MYT1L: variants seen among roughly 807,000 people sequenced by gnomAD.
MYT1L encodes the protein myelin transcription factor 1 like, also known as myelin transcription factor 1-like protein.
MYT1L carries 12 observed loss-of-function variants against 126.7 expected under a neutral mutation model. The observed-to-expected ratio is 0.09, with a 90% CI of 0.06 to 0.15. MYT1L has a LOEUF of 0.15. Ranked by LOEUF, MYT1L falls within the 10% of genes least tolerant of loss-of-function variation. MYT1L has a pLI of 1.00. For synonymous variants in MYT1L, 541 were observed against 604.2 expected, an observed-to-expected ratio of 0.90 and a Z score of 1.53; for missense variants, 979 against 1,585.2, an observed-to-expected ratio of 0.62 and a Z score of 6.49.
At chr2:1,960,373 T>A (rs2058863321) in intron 8 of MYT1L, among the ~76,000 whole-genome samples, 1 of 152,236 alleles carries the variant, frequency 6.6e-6, no homozygotes, top group Non-Finnish European at 1.5e-5. Flanking sequence ...AAGCCCCTTG[T>A]CCCAGGCCCT....
chr2:2,123,056 G>A (rs1350063247), intron 3 of MYT1L, among the ~76,000 whole-genome samples: 1 of 152,072 alleles, frequency 6.6e-6, no homozygotes. Context: ...ACGCTGGCTC[G>A]CCTGACCTTG....
intron 23 of MYT1L, among the ~76,000 whole-genome samples, chr2:1,800,992 T>C (rs1485751510): frequency 6.6e-6 from 1 of 152,106 alleles, no homozygotes; most frequent in Non-Finnish European, 1.5e-5. Flanking sequence ...TCCCAGAGTG[T>C]ACTTCGGCGG....
chr2:1,994,723 C>T (rs547056054), intron 5 of MYT1L, among the ~76,000 whole-genome samples: 3 of 152,276 alleles, frequency 2.0e-5, no homozygotes, highest in East Asian at 3.9e-4. Context: ...TCTATCTTTA[C>T]TTCTCCCTAA....
chr2:2,127,607 A>G (rs765823290), intron 3 of MYT1L, among the ~76,000 whole-genome samples: 8 of 152,132 alleles, frequency 5.3e-5, no homozygotes, highest in Non-Finnish European at 1.2e-4. Context: ...TTGCACTAGC[A>G]TCCCTTCGTT....
At chr2:1,855,815 C>T (rs2043844587) in intron 18 of MYT1L, among the ~76,000 whole-genome samples, 1 of 137,610 alleles carries the variant, frequency 7.3e-6, no homozygotes, top group African/African-American at 3.0e-5. Context: ...GATCTTGCTT[C>T]ATCTCTGGTC....
intron 2 of MYT1L, among the ~76,000 whole-genome samples, chr2:2,210,084 GTCT>G (rs1335624355): frequency 5.9e-5 from 9 of 152,250 alleles, no homozygotes; most frequent in Admixed American, 2.6e-4. Context: ...CCATTTGTGT[GTCT>G]TCTTCTTTTG....
At chr2:2,328,196 A>T (rs1016035745) in intron 1 of MYT1L, among the ~76,000 whole-genome samples, 1 of 152,234 alleles carries the variant, frequency 6.6e-6, no homozygotes, top group African/African-American at 2.4e-5. Context: ...AAATTGCATA[A>T]TCACTTATTT....
rs552214757 is a variant in MYT1L, at chr2:2,147,348, G to A, written c.-304+25524C>T. 9.8e-5 allele frequency among the ~76,000 whole-genome samples: 15 copies of A among 152,324 alleles called. No homozygotes were observed. The East Asian group carries it at 2.5e-3, about 26-fold the overall frequency. On this transcript the variant is annotated intron_variant, in intron 3 of 24. Coordinates refer to ENST00000647738, the MANE Select transcript of MYT1L (RefSeq NM_001303052.2). Reference sequence around the variant, plus strand: ...CCACTCTGCATGGCTGAGAGGGTGCGAGCACACAGCAGGCACACTGCCTGT... The same window carrying A: ...CCACTCTGCATGGCTGAGAGGGTGCAAGCACACAGCAGGCACACTGCCTGT...
At chr2:2,255,469 A>G (rs949039923) in intron 2 of MYT1L, among the ~76,000 whole-genome samples, 3 of 152,214 alleles carry the variant, frequency 2.0e-5, no homozygotes, top group African/African-American at 7.2e-5. Flanking sequence ...AAACCCACCT[A>G]GAAGGGAGGG....
At chr2:2,154,811 T>C (rs1397374012) in intron 3 of MYT1L, among the ~76,000 whole-genome samples, 1 of 152,186 alleles carries the variant, frequency 6.6e-6, no homozygotes, top group Admixed American at 6.5e-5. Context: ...CCTGCACATG[T>C]ACCCCTGAAA....
At chr2:2,152,632 C>T (rs58094996) in intron 3 of MYT1L, among the ~76,000 whole-genome samples, 2 of 152,224 alleles carry the variant, frequency 1.3e-5, no homozygotes, top group African/African-American at 2.4e-5. Context: ...CAATCAGAGG[C>T]GTCCCGAGTA....
At position 2,221,604 on chromosome 2, in the gene MYT1L, C is replaced by G. The variant is rs139994412; in HGVS notation, c.-420-48616G>C. ...AAGGGTGAAGGGAACAGAAAATGAC[C>G]GCTGATTCCTTGCACAGCGGGAGAC... On this transcript the variant is annotated intron_variant, in intron 2 of 24. Transcript: ENST00000647738. Among the ~76,000 whole-genome samples, 937 of 152,222 alleles carry G rather than the reference C, an allele frequency of 6.2e-3. 10 individuals carry two copies. The highest frequency in any genetic ancestry group is 0.021 in the African/African-American group (881 of 41,528).
intron 2 of MYT1L, among the ~76,000 whole-genome samples, chr2:2,272,324 T>C (rs560406329): frequency 6.6e-6 from 1 of 152,288 alleles, no homozygotes; most frequent in Non-Finnish European, 1.5e-5. Flanking sequence ...TCTGGGCCTC[T>C]AGGACACTCA....
intron 1 of MYT1L, among the ~76,000 whole-genome samples, chr2:2,317,112 C>T (rs778797343): frequency 3.3e-5 from 5 of 152,070 alleles, no homozygotes; most frequent in Admixed American, 1.3e-4. Flanking sequence ...CCACCATGCC[C>T]GGCCAGTCCA....
chr2:2,167,347 T>C lies in MYT1L; in HGVS notation c.-304+5525A>G, dbSNP rs143585944. Among the ~76,000 whole-genome samples, 294 of 152,280 alleles carry C rather than the reference T, an allele frequency of 1.9e-3. 1 individual carries two copies. Among genetic ancestry groups the C allele is most frequent in the African/African-American group, 6.8e-3 (281 of 41,564 alleles). Reference sequence around the variant, plus strand: ...GAATCCCACCTGGATCTGCACAGCGTTGCTGCACTGTAAGCCCACCACACA... The same window carrying C: ...GAATCCCACCTGGATCTGCACAGCGCTGCTGCACTGTAAGCCCACCACACA... On this transcript the variant is annotated intron_variant, in intron 3 of 24. Coordinates refer to ENST00000647738, the MANE Select transcript of MYT1L (RefSeq NM_001303052.2).
At chr2:1,815,368 C>T (rs2037461465) in intron 21 of MYT1L, among the ~76,000 whole-genome samples, 2 of 152,212 alleles carry the variant, frequency 1.3e-5, no homozygotes, top group Admixed American at 1.3e-4. Context: ...CTCCCTGCTC[C>T]CACTCGTCAT....
intron 1 of MYT1L, chr2:2,324,829 G>A (rs1329318883): frequency 6.6e-6 from 1 of 152,616 alleles, no homozygotes; most frequent in Non-Finnish European, 1.5e-5. Context: ...AAATCCTAAG[G>A]TGGGAGGGAA....
intron 2 of MYT1L, among the ~76,000 whole-genome samples, chr2:2,259,919 C>T (rs2094920040): frequency 6.6e-6 from 1 of 152,154 alleles, no homozygotes; most frequent in Admixed American, 6.5e-5. Context: ...GACACAGTAG[C>T]CTAATGTATG....
intron 18 of MYT1L, among the ~76,000 whole-genome samples, chr2:1,876,543 C>T (rs924979801): frequency 2.6e-5 from 4 of 152,242 alleles, no homozygotes; most frequent in Admixed American, 2.6e-4. Flanking sequence ...GGCAACCTTT[C>T]CCCATGGCCC....
Sources: gnomAD v4.1 joint callset for allele counts (sites outside exome capture counted in the v4.1 genomes callset) on GRCh38, gnomAD v4.1.1 for gene constraint, MANE v1.5 for transcripts, NCBI Gene and HGNC (gene_info 2026-07-23, HGNC 2026-07-21) for gene names.